LMBR1: variants seen among roughly 807,000 people sequenced by gnomAD.
LMBR1 encodes the protein limb region 1 protein homolog.
In LMBR1, 52 loss-of-function variants were observed where a neutral mutation model predicts 73.9. The observed-to-expected ratio is 0.70, with a 90% CI of 0.56 to 0.89. LMBR1 has a LOEUF of 0.89. LMBR1 is among the 40% of genes least tolerant of loss of function. The probability of loss-of-function intolerance (pLI) is 0.00; values close to 1 mark genes in which losing one functional copy is unlikely to be tolerated. For missense variants in LMBR1, 539 were observed against 579.8 expected (o/e 0.93, Z 0.72); for synonymous variants, 215 against 209.4 (o/e 1.03, Z -0.23).
intron 4 of LMBR1, among the ~76,000 whole-genome samples, chr7:156,672,140 A>G (rs527983910): frequency 1.5e-4 from 23 of 152,348 alleles, no homozygotes; most frequent in Non-Finnish European, 3.1e-4. Flanking sequence ...TACACCAGTT[A>G]CCATTAAGAC....
intron 8 of LMBR1, among the ~76,000 whole-genome samples, chr7:156,760,727 A>T (rs1008251004): frequency 6.6e-6 from 1 of 152,220 alleles, no homozygotes; most frequent in African/African-American, 2.4e-5. Context: ...CGCATTTTTT[A>T]AAAATAAAAA....
chr7:156,729,059 G>T (rs1386532733), intron 10 of LMBR1, among the ~76,000 whole-genome samples: 1 of 152,000 alleles, frequency 6.6e-6, no homozygotes, highest in Non-Finnish European at 1.5e-5. Context: ...GCCCAGGCTG[G>T]TCTTGAACTC....
At chr7:156,864,726 G>A (rs1208338569) in intron 1 of LMBR1, among the ~76,000 whole-genome samples, 2 of 152,196 alleles carry the variant, frequency 1.3e-5, no homozygotes, top group African/African-American at 4.8e-5. Flanking sequence ...GCCGGGCACA[G>A]TGGCTCACGC....
At chr7:156,867,534 AAT>A (rs1339973568) in intron 1 of LMBR1, among the ~76,000 whole-genome samples, 4 of 152,260 alleles carry the variant, frequency 2.6e-5, no homozygotes, top group Non-Finnish European at 4.4e-5. Context: ...ATGAATAAAC[AAT>A]ATGTGACATA....
At position 156,812,319 on chromosome 7, in the gene LMBR1, G is replaced by C. The variant is rs185855621; in HGVS notation, c.319+14286C>G. On this transcript the variant is annotated intron_variant, in intron 4 of 16. Transcript: ENST00000353442. The stretch of plus-strand genomic sequence containing the variant: ...CTTTCATGTGATTTTTAAACACACA[G>C]AGAGAGAGAGAGAGAGACAGCAAGA... Among the ~76,000 whole-genome samples the C allele has an allele frequency of 7.9e-4, 118 of 148,738 alleles. No homozygotes were observed. In the East Asian group the frequency reaches 0.015, roughly 18 times the overall value.
chr7:156,825,830 C>T lies in LMBR1; in HGVS notation c.319+775G>A, dbSNP rs371853231. Among the ~76,000 whole-genome samples, 2 of 152,124 alleles carry T rather than the reference C, an allele frequency of 1.3e-5. 1 individual carries two copies. The highest frequency in any genetic ancestry group is 2.9e-5 in the Non-Finnish European group (2 of 68,034). ...CATCCCAACTAAGACAACAGGAAGC[C>T]GCGGTGAGAGGACAGTGGCTTTCCC... On this transcript the variant is annotated intron_variant, in intron 4 of 16. Coordinates refer to ENST00000353442, the MANE Select transcript of LMBR1 (RefSeq NM_022458.4).
At chr7:156,806,631 A>G (rs1832166374) in intron 4 of LMBR1, among the ~76,000 whole-genome samples, 1 of 94,284 alleles carries the variant, frequency 1.1e-5, no homozygotes, top group Non-Finnish European at 1.9e-5. Context: ...TTTTTTTGAG[A>G]CGGAGTCTCA....
intron 1 of LMBR1, among the ~76,000 whole-genome samples, chr7:156,841,228 G>C (rs1035271116): frequency 5.3e-5 from 8 of 152,082 alleles, no homozygotes; most frequent in Non-Finnish European, 1.0e-4. Flanking sequence ...TAGAAGAGGA[G>C]TAGTTTTGAG....
chr7:156,790,555 C>T (rs898941874), intron 5 of LMBR1, among the ~76,000 whole-genome samples: 3 of 151,758 alleles, frequency 2.0e-5, no homozygotes, highest in African/African-American at 7.3e-5. Flanking sequence ...TACTGAGAGG[C>T]AAAGATGAAC....
intron 15 of LMBR1, among the ~76,000 whole-genome samples, chr7:156,700,483 T>C (rs1809422373): frequency 6.6e-6 from 1 of 152,116 alleles, no homozygotes; most frequent in African/African-American, 2.4e-5. Flanking sequence ...ACATGGCACG[T>C]GTATACATAT....
rs997627121 is a variant in LMBR1 at position 156,841,942 on chromosome 7, G to GA, written c.67-5058dup. Among the ~76,000 whole-genome samples the GA allele has an allele frequency of 5.3e-5, 8 of 151,438 alleles. 1 individual carries two copies. The highest frequency in any genetic ancestry group is 8.9e-5 in the Non-Finnish European group (6 of 67,786). ...AGAGAGAAAAATTATTGATGCAAGA[G>GA]AAAAAAGAAGCAATTGCTGAAGTTA... On this transcript the variant is annotated intron_variant, in intron 1 of 16. Transcript: ENST00000353442.
In LMBR1 at chr7:156,891,214, AT is replaced by A. The variant is rs1563643696; in HGVS notation, c.66+1713del. On this transcript the variant is annotated intron_variant, in intron 1 of 16. Transcript: ENST00000353442. ...ACAAAAAAAAAAAAAAAAAAAAAAT[AT>A]ATATATATATATATATATACACACA... Among the ~76,000 whole-genome samples the A allele has an allele frequency of 4.2e-3, 209 of 49,692 alleles. 11 individuals carry two copies. The highest frequency in any genetic ancestry group is 5.7e-3 in the Non-Finnish European group (144 of 25,450). 32.6% of individuals were successfully genotyped at this position (49,692 alleles called of 152,430 possible).
chr7:156,882,588 G>C (rs917444635), intron 1 of LMBR1, among the ~76,000 whole-genome samples: 1 of 152,224 alleles, frequency 6.6e-6, no homozygotes, highest in Non-Finnish European at 1.5e-5. Flanking sequence ...CTCAAAGAGT[G>C]TAAATGGTGG....
At chr7:156,675,867 G>C, downstream of LMBR1, 1 of 1,610,188 alleles carries the variant, frequency 6.2e-7, no homozygotes. Context: ...AGTGCAGGTA[G>C]GTTTGGCTGG....
chr7:156,729,907 C>A (rs1554489662), intron 10 of LMBR1, among the ~76,000 whole-genome samples: 1 of 152,152 alleles, frequency 6.6e-6, no homozygotes, highest in Non-Finnish European at 1.5e-5. Flanking sequence ...TTTAAAAAAT[C>A]TGTATGAACG....
intron 9 of LMBR1, among the ~76,000 whole-genome samples, chr7:156,754,414 T>C (rs1052107684): frequency 2.0e-4 from 30 of 152,316 alleles, no homozygotes; most frequent in African/African-American, 6.5e-4. Flanking sequence ...CTGGCTGTCA[T>C]GTTTTTTTGC....
Position 156,679,788 on chromosome 7 carries a change from T to C in LMBR1, c.*4290A>G, listed in dbSNP as rs1804693952. 1 of 152,170 alleles carries C rather than the reference T, an allele frequency of 6.6e-6. No individual in the cohort carries two copies. Among genetic ancestry groups the C allele is most frequent in the African/African-American group, 2.4e-5 (1 of 41,440 alleles). 9.4% of individuals were successfully genotyped at this position (152,170 alleles called of 1,614,324 possible). A position where few individuals can be genotyped will look rare whatever the true frequency, so the allele number is the denominator to read the frequency against. ...CTGTTCATAATCCAGGCTCATAAAC[T>C]TGACTTCTGTACCACCTTTAGAAGT... On this transcript the variant is annotated 3_prime_UTR_variant, in exon 17 of 17. Coordinates refer to ENST00000353442, the MANE Select transcript of LMBR1 (RefSeq NM_022458.4).
intron 9 of LMBR1, among the ~76,000 whole-genome samples, chr7:156,741,148 A>G (rs1023431994): frequency 6.6e-6 from 1 of 152,200 alleles, no homozygotes; most frequent in Non-Finnish European, 1.5e-5. Flanking sequence ...ATTGAAGAAC[A>G]TACAATGGAT....
intron 4 of LMBR1, among the ~76,000 whole-genome samples, chr7:156,799,718 G>T (rs190372358): frequency 5.5e-4 from 83 of 151,752 alleles, no homozygotes; most frequent in African/African-American, 2.0e-3. Flanking sequence ...AGTGAGGAAG[G>T]CATGTCAAAA....
Sources: gnomAD v4.1 joint callset for allele counts (sites outside exome capture counted in the v4.1 genomes callset) on GRCh38, gnomAD v4.1.1 for gene constraint, MANE v1.5 for transcripts, NCBI Gene and HGNC (gene_info 2026-07-23, HGNC 2026-07-21) for gene names.